SPTA1: variants seen among roughly 807,000 people sequenced by gnomAD.
The protein encoded by SPTA1 is spectrin alpha, erythrocytic 1, also known as spectrin alpha chain, erythrocytic 1.
Under a neutral mutation model 324.7 loss-of-function variants are expected in SPTA1, and 177 were observed. That is an observed-to-expected ratio of 0.55 (90% CI 0.48 to 0.62). SPTA1 has a LOEUF of 0.62. Ranked by LOEUF, SPTA1 falls within the 20% of genes least tolerant of loss-of-function variation. The pLI, the probability that SPTA1 is intolerant of heterozygous loss-of-function variation, is 0.00. For synonymous variants in SPTA1, 1,195 were observed against 1,041.3 expected, an observed-to-expected ratio of 1.15 and a Z score of -2.84; for missense variants, 3,162 against 2,883.6, an observed-to-expected ratio of 1.10 and a Z score of -2.21.
intron 10 of SPTA1, among the ~76,000 whole-genome samples, chr1:158,672,468 A>T (rs560520797): frequency 2.0e-5 from 3 of 152,300 alleles, no homozygotes; most frequent in South Asian, 4.1e-4. Context: ...AGCATGGAAA[A>T]TCTCATACCA....
intron 27 of SPTA1, among the ~76,000 whole-genome samples, chr1:158,646,917 T>A (rs562747757): frequency 6.6e-6 from 1 of 152,198 alleles, no homozygotes; most frequent in Non-Finnish European, 1.5e-5. Flanking sequence ...TTTTGGATTG[T>A]GATAATGTCT....
chr1:158,637,962 A>C (rs780700463), intron 36 of SPTA1, 71 bp downstream of exon 36: 32 of 1,522,562 alleles, frequency 2.1e-5, no homozygotes, highest in Non-Finnish European at 2.9e-5. Flanking sequence ...TTTCAGCATA[A>C]ATTGGAACAA....
chr1:158,684,446 T>C (rs1249414299), intron 2 of SPTA1, among the ~76,000 whole-genome samples: 2 of 152,172 alleles, frequency 1.3e-5, no homozygotes, highest in African/African-American at 2.4e-5. Flanking sequence ...AGAAATTTCT[T>C]GAATTTGCAG....
intron 18 of SPTA1, 51 bp downstream of exon 18, chr1:158,661,236 A>G (rs1653182349): frequency 6.2e-7 from 1 of 1,613,262 alleles, no homozygotes; most frequent in Non-Finnish European, 8.5e-7. Context: ...ACTTCTTCCC[A>G]GAGGTCTGGC....
At chr1:158,612,480 CTG>C (rs1649318386) in intron 51 of SPTA1, 1 of 343,304 alleles carries the variant, frequency 2.9e-6, no homozygotes, top group Non-Finnish European at 5.6e-6. Flanking sequence ...AATTTAGGGA[CTG>C]TGTCTTACTA....
chr1:158,661,425 A>G lies in SPTA1; in HGVS notation c.2465-16T>C. On this transcript the variant is annotated splice_polypyrimidine_tract_variant and intron_variant, in intron 17 of 51. Transcript: ENST00000643759. The stretch of plus-strand genomic sequence containing the variant: ...AGGTCCTTTCCTGCAGAGGAAAGGA[A>G]TTTCAAAGTTTCGGATTATCCTGGT... 5.0e-6 allele frequency: 8 copies of G among 1,613,804 alleles called. No homozygotes were observed. Among genetic ancestry groups the G allele is most frequent in the Non-Finnish European group, 6.8e-6 (8 of 1,179,824 alleles).
Position 158,680,594 on chromosome 1 carries a change from C to T in SPTA1, c.667G>A (p.Glu223Lys), listed in dbSNP as rs1364453624. The change falls in exon 5 of 52, where the codon GAG (glutamate) becomes AAG (lysine). Residue 223 changes from glutamate (E) to lysine (K), a missense_variant. By Grantham distance (56) the Glu-to-Lys change is moderately conservative. Coordinates refer to ENST00000643759, the MANE Select transcript of SPTA1 (RefSeq NM_003126.4). ...TGCTCCCACCTCACCTCGGCACACT[C>T]ATTGGCATATTGGTTCACTTCAACA... ...RVVEVNQYAN[E>K]CAEENHPDLP... 1.2e-6 allele frequency: 2 copies of T among 1,613,756 alleles called. No homozygotes were observed. The highest frequency in any genetic ancestry group is 1.7e-6 in the Non-Finnish European group (2 of 1,179,836).
chr1:158,631,145 A>C (rs1304887457), intron 39 of SPTA1, among the ~76,000 whole-genome samples: 1 of 152,232 alleles, frequency 6.6e-6, no homozygotes, highest in Non-Finnish European at 1.5e-5. Context: ...TCATTTATGA[A>C]AAAGACACAT....
intron 40 of SPTA1, 149 bp from the exon 41 acceptor site, chr1:158,627,156 G>A: frequency 2.1e-6 from 2 of 951,714 alleles, no homozygotes; most frequent in South Asian, 1.4e-5. Context: ...TAGGAGGTAG[G>A]GAGTCATCTC....
In SPTA1 at chr1:158,677,690, C is replaced by G; in HGVS notation, c.957G>C (p.Lys319Asn). ...AGCCATTTCTCTAACAGCGCATTAC[C>G]TTGTCACTCATGACAGCAAGATTTC... ...LERNLAVMSD[K>N]VKELCAKAEK... Residue 319 changes from lysine (K) to asparagine (N), a missense_variant and splice_region_variant, in exon 7 of 52, where the codon AAG becomes AAC. Lys to Asn is a moderately conservative substitution (Grantham distance 94). Transcript: ENST00000643759. 2 of 1,613,264 alleles carry G rather than the reference C, an allele frequency of 1.2e-6. No individual in the cohort carries two copies. Among genetic ancestry groups the G allele is most frequent in the Non-Finnish European group, 1.7e-6 (2 of 1,179,590 alleles).
At position 158,639,751 on chromosome 1, in the gene SPTA1, G is replaced by A. The variant is rs534696537; in HGVS notation, c.4876-65C>T. ...ACTGCCTTTAAGGAGAATAAGATCAGCAGCTATGTCCCCAAACTTTTCCCA... is the reference window on the plus strand; with the variant it reads ...ACTGCCTTTAAGGAGAATAAGATCAACAGCTATGTCCCCAAACTTTTCCCA... On this transcript the variant is annotated intron_variant, in intron 34 of 51. Transcript: ENST00000643759. 3.1e-6 allele frequency: 5 copies of A among 1,611,510 alleles called. No individual in the cohort carries two copies. In the East Asian group the frequency reaches 8.9e-5, roughly 29 times the overall value.
At chr1:158,664,731 G>C (rs2101897019) in intron 16 of SPTA1, among the ~76,000 whole-genome samples, 1 of 152,324 alleles carries the variant, frequency 6.6e-6, no homozygotes, top group Non-Finnish European at 1.5e-5. Context: ...GTAGCCAACT[G>C]TTCTCATTTC....
At chr1:158,636,525 C>G (rs1370912011) in intron 37 of SPTA1, 116 bp downstream of exon 37, 1 of 1,190,836 alleles carries the variant, frequency 8.4e-7, no homozygotes, top group Non-Finnish European at 1.2e-6. Flanking sequence ...TTGACTAACT[C>G]TCTCTGACCT....
At chr1:158,679,898 C>T (rs1431086138) in intron 5 of SPTA1, among the ~76,000 whole-genome samples, 3 of 152,114 alleles carry the variant, frequency 2.0e-5, no homozygotes, top group African/African-American at 7.2e-5. Flanking sequence ...CCTACTCCAG[C>T]ACTCATTCAT....
At chr1:158,629,118 A>AATAGATAG (rs1013265283) in intron 39 of SPTA1, among the ~76,000 whole-genome samples, 1 of 145,802 alleles carries the variant, frequency 6.9e-6, no homozygotes, top group East Asian at 1.9e-4. Context: ...TAATTCTCTC[A>AATAGATAG]ATAGATAGAT....
chr1:158,619,163 A>G, intron 45 of SPTA1, 59 bp downstream of exon 45: 1 of 1,497,656 alleles, frequency 6.7e-7, no homozygotes, highest in Middle Eastern at 1.7e-4. Flanking sequence ...CATGTATTTC[A>G]TCCCTATGGC....
Position 158,612,826 on chromosome 1 carries a change from GTCT to G in SPTA1, c.7122_7124del (p.Glu2374del), listed in dbSNP as rs1649341758. Reference sequence around the variant, plus strand: ...GCAACCAGAATCGGACCTGCTTCATGTCTTCTTTGGTAATATATGACTTGCCCT... The same window carrying G: ...GCAACCAGAATCGGACCTGCTTCATGTCTTTGGTAATATATGACTTGCCCT... On this transcript the variant is annotated inframe_deletion, in exon 51 of 52. Coordinates refer to ENST00000643759, the MANE Select transcript of SPTA1 (RefSeq NM_003126.4). The G allele has an allele frequency of 6.2e-7, 1 of 1,613,758 alleles. No homozygotes were observed. Among genetic ancestry groups the G allele is most frequent in the Admixed American group, 1.7e-5 (1 of 59,966 alleles).
At chr1:158,678,120 A>G (rs551732921) in intron 6 of SPTA1, among the ~76,000 whole-genome samples, 1 of 152,118 alleles carries the variant, frequency 6.6e-6, no homozygotes, top group South Asian at 2.1e-4. Context: ...CTTCCATTTA[A>G]TTATTAACCT....
intron 24 of SPTA1, 34 bp downstream of exon 24, chr1:158,651,333 G>C (rs775867925): frequency 4.2e-6 from 6 of 1,440,908 alleles, no homozygotes; most frequent in Non-Finnish European, 5.9e-6. Context: ...AGCCCAACCT[G>C]GTAGTGAGGA....
Sources: gnomAD v4.1 joint callset for allele counts (sites outside exome capture counted in the v4.1 genomes callset) on GRCh38, gnomAD v4.1.1 for gene constraint, MANE v1.5 for transcripts, NCBI Gene and HGNC (gene_info 2026-07-23, HGNC 2026-07-21) for gene names.